NRG1: variants seen among roughly 807,000 people sequenced by gnomAD.
NRG1 encodes the protein pro-neuregulin-1, membrane-bound isoform.
Under a neutral mutation model 63.8 loss-of-function variants are expected in NRG1, and 18 were observed. The ratio of observed to expected loss-of-function variants is 0.28; its 90% confidence interval spans 0.19 to 0.42. The LOEUF (loss-of-function observed/expected upper bound fraction) is 0.42. NRG1 is among the 10% of genes least tolerant of loss of function. The pLI, the probability that NRG1 is intolerant of heterozygous loss-of-function variation, is 1.00. For missense variants in NRG1, 762 were observed against 814.7 expected (o/e 0.94, Z 0.79); for synonymous variants, 302 against 301.3 (o/e 1.00, Z -0.02).
At chr8:32,232,080 T>C (rs1847017865) in intron 1 of NRG1, among the ~76,000 whole-genome samples, 1 of 151,902 alleles carries the variant, frequency 6.6e-6, no homozygotes, top group African/African-American at 2.4e-5. Flanking sequence ...ATTTTTGTAA[T>C]TTTTGTAGAG....
At chr8:32,176,871 C>T (rs1364350778) in intron 1 of NRG1, among the ~76,000 whole-genome samples, 2 of 152,242 alleles carry the variant, frequency 1.3e-5, no homozygotes, top group East Asian at 3.9e-4. Context: ...CACTTTTACA[C>T]TGTTGGTGGG....
At chr8:32,701,291 T>A (rs1174335283) in intron 5 of NRG1, among the ~76,000 whole-genome samples, 1 of 152,236 alleles carries the variant, frequency 6.6e-6, no homozygotes, top group Non-Finnish European at 1.5e-5. Flanking sequence ...AAGTCAGACA[T>A]CTTTTGCTTC....
intron 1 of NRG1, among the ~76,000 whole-genome samples, chr8:32,414,432 T>C (rs1815570037): frequency 6.6e-6 from 1 of 152,218 alleles, no homozygotes; most frequent in African/African-American, 2.4e-5. Flanking sequence ...TTTCTTAGCA[T>C]CCTAAACACT....
chr8:32,294,994 G>A (rs1238272893), intron 1 of NRG1, among the ~76,000 whole-genome samples: 1 of 152,036 alleles, frequency 6.6e-6, no homozygotes, highest in East Asian at 1.9e-4. Flanking sequence ...TGAGAGAAAT[G>A]GATTATTTAC....
At chr8:32,673,000 T>A (rs941792759) in intron 5 of NRG1, among the ~76,000 whole-genome samples, 2 of 152,246 alleles carry the variant, frequency 1.3e-5, no homozygotes, top group Non-Finnish European at 2.9e-5. Context: ...TTATTCTCAC[T>A]GAAAAGTTAA....
At chr8:32,437,843 A>AGT in intron 1 of NRG1, among the ~76,000 whole-genome samples, 1 of 152,202 alleles carries the variant, frequency 6.6e-6, no homozygotes, top group African/African-American at 2.4e-5. Flanking sequence ...CATTCCACCC[A>AGT]ATAGTAAATG....
chr8:32,656,093 A>G (rs945303892), intron 5 of NRG1, among the ~76,000 whole-genome samples: 1 of 152,192 alleles, frequency 6.6e-6, no homozygotes, highest in African/African-American at 2.4e-5. Flanking sequence ...AGCCAAATCA[A>G]ATGTAGAAAT....
At chr8:32,708,091 CAA>C (rs1055771776) in intron 5 of NRG1, among the ~76,000 whole-genome samples, 30 of 148,356 alleles carry the variant, frequency 2.0e-4, no homozygotes, top group African/African-American at 6.5e-4. Flanking sequence ...TAACATAATC[CAA>C]AAGACTCCTA....
chr8:32,208,307 G>A (rs1287999356), intron 1 of NRG1, among the ~76,000 whole-genome samples: 1 of 151,090 alleles, frequency 6.6e-6, no homozygotes, highest in Non-Finnish European at 1.5e-5. Flanking sequence ...TTTTTAGACG[G>A]AGGTTTGCTC....
intron 1 of NRG1, among the ~76,000 whole-genome samples, chr8:32,160,934 A>G (rs1838757433): frequency 6.6e-6 from 1 of 152,170 alleles, no homozygotes; most frequent in African/African-American, 2.4e-5. Flanking sequence ...GCATTTATGG[A>G]CTTGAATACC....
chr8:32,093,737 G>C (rs1334358929), intron 1 of NRG1, among the ~76,000 whole-genome samples: 6 of 152,132 alleles, frequency 3.9e-5, no homozygotes, highest in Non-Finnish European at 1.5e-5. Flanking sequence ...AACGTTTGTT[G>C]GTCTTTGTTT....
At chr8:32,500,913 G>T (rs1321757242) in intron 1 of NRG1, among the ~76,000 whole-genome samples, 1 of 152,090 alleles carries the variant, frequency 6.6e-6, no homozygotes, top group Non-Finnish European at 1.5e-5. Flanking sequence ...TAGATTAGTG[G>T]ATTTATGAAT....
At position 32,216,093 on chromosome 8, in the gene NRG1, T is replaced by C. The variant is rs1465740396; in HGVS notation, c.38-379735T>C. On this transcript the variant is annotated intron_variant, in intron 1 of 10. Coordinates refer to the NRG1 transcript ENST00000519301. ...TGTTTTATATTTATATCTACATAAATCTATACATTATCTAGATATTATACT... is the reference window on the plus strand; with the variant it reads ...TGTTTTATATTTATATCTACATAAACCTATACATTATCTAGATATTATACT... Among the ~76,000 whole-genome samples, 6 of 151,678 alleles carry C rather than the reference T, an allele frequency of 4.0e-5. No homozygotes were observed. In the East Asian group the frequency reaches 1.2e-3, roughly 29 times the overall value.
chr8:32,107,060 T>TACAACAACAACAACAACA (rs10633352), intron 1 of NRG1, among the ~76,000 whole-genome samples: 1 of 150,070 alleles, frequency 6.7e-6, no homozygotes, highest in Non-Finnish European at 1.5e-5. Flanking sequence ...CTACTAAAAA[T>TACAACAACAACAACAACA]ACAACAACAA....
At chr8:31,755,547 A>G (rs1816883892) in intron 1 of NRG1, among the ~76,000 whole-genome samples, 1 of 152,112 alleles carries the variant, frequency 6.6e-6, no homozygotes, top group Non-Finnish European at 1.5e-5. Context: ...GAAGTAAATA[A>G]CGTGTTTCTT....
At chr8:32,375,455 A>T (rs1809499954) in intron 1 of NRG1, among the ~76,000 whole-genome samples, 1 of 152,188 alleles carries the variant, frequency 6.6e-6, no homozygotes, top group Non-Finnish European at 1.5e-5. Flanking sequence ...GCATATTTTT[A>T]CTTAGTCCTT....
intron 1 of NRG1, among the ~76,000 whole-genome samples, chr8:32,588,602 T>C (rs1489503233): frequency 6.6e-6 from 1 of 152,230 alleles, no homozygotes; most frequent in Non-Finnish European, 1.5e-5. Context: ...GTTCTATGCA[T>C]GTTATGTGCT....
In NRG1 at chr8:32,403,316, A is replaced by G. The variant is rs576068904; in HGVS notation, c.38-192512A>G. Among the ~76,000 whole-genome samples, 825 of 151,302 alleles carry G rather than the reference A, an allele frequency of 5.5e-3. 7 individuals carry two copies. Among genetic ancestry groups the G allele is most frequent in the African/African-American group, 0.018 (731 of 41,260 alleles). ...CTCTGTCTCAAAAAAAAAAAAAAAA[A>G]AAAGAAAGAAAAAAGAAATGAGCAA... On this transcript the variant is annotated intron_variant, in intron 1 of 10. Transcript: ENST00000519301.
At chr8:32,699,700 T>G (rs981458917) in intron 5 of NRG1, among the ~76,000 whole-genome samples, 6 of 152,176 alleles carry the variant, frequency 3.9e-5, no homozygotes, top group African/African-American at 1.2e-4. Context: ...GTTTAGAATT[T>G]CTTACCCTTT....
Sources: allele counts gnomAD v4.1 joint callset (sites outside exome capture counted in the v4.1 genomes callset), GRCh38; gene constraint gnomAD v4.1.1; transcripts MANE v1.5; gene names NCBI Gene and HGNC (gene_info 2026-07-23, HGNC 2026-07-21).